KALRN: variants seen among roughly 807,000 people sequenced by gnomAD.
KALRN encodes kalirin.
In KALRN, 70 loss-of-function variants were observed where a neutral mutation model predicts 353.7. The observed-to-expected ratio is 0.20, with a 90% CI of 0.16 to 0.24. The LOEUF is 0.24. KALRN is among the 10% of genes least tolerant of loss of function. The pLI is 1.00. For synonymous variants in KALRN, 1,391 were observed against 1,434.8 expected (o/e 0.97, Z 0.69); for missense variants, 2,791 against 3,756.7 (o/e 0.74, Z 6.72).
At chr3:124,275,478 C>T (rs1256619213) in intron 5 of KALRN, among the ~76,000 whole-genome samples, 1 of 152,142 alleles carries the variant, frequency 6.6e-6, no homozygotes, top group Non-Finnish European at 1.5e-5. Flanking sequence ...GCAAATAAAA[C>T]CCTACTCCCT....
At chr3:124,426,507 A>G (rs1329514820) in intron 15 of KALRN, among the ~76,000 whole-genome samples, 1 of 152,232 alleles carries the variant, frequency 6.6e-6, no homozygotes, top group East Asian at 1.9e-4. Context: ...CCAAAATTAT[A>G]TTAAACTGAA....
At chr3:124,296,584 C>T (rs2076865874) in intron 5 of KALRN, among the ~76,000 whole-genome samples, 2 of 152,212 alleles carry the variant, frequency 1.3e-5, no homozygotes, top group South Asian at 4.1e-4. Context: ...GCTCACTTCA[C>T]ACTTCACTAC....
At chr3:124,368,740 A>C (rs919905460) in intron 10 of KALRN, among the ~76,000 whole-genome samples, 8 of 150,192 alleles carry the variant, frequency 5.3e-5, no homozygotes, top group African/African-American at 1.7e-4. Flanking sequence ...TAGTGAGCCG[A>C]GATCACGCCA....
intron 34 of KALRN, among the ~76,000 whole-genome samples, chr3:124,564,217 A>G (rs1396277616): frequency 7.6e-5 from 11 of 144,622 alleles, no homozygotes; most frequent in African/African-American, 3.1e-4. Context: ...AAAAAAAAAA[A>G]AAAAAAAAAA....
At chr3:124,313,278 C>G (rs1232513654) in intron 6 of KALRN, among the ~76,000 whole-genome samples, 1 of 152,126 alleles carries the variant, frequency 6.6e-6, no homozygotes, top group African/African-American at 2.4e-5. Context: ...AAGCAAACCC[C>G]CACCCCCTGA....
At chr3:124,431,868 G>A (rs566800294) in intron 16 of KALRN, among the ~76,000 whole-genome samples, 11 of 152,300 alleles carry the variant, frequency 7.2e-5, no homozygotes, top group African/African-American at 2.6e-4. Flanking sequence ...TGTATAAACA[G>A]TGTTAAGATG....
At chr3:124,259,517 A>G (rs1286234555) in intron 3 of KALRN, among the ~76,000 whole-genome samples, 1 of 152,164 alleles carries the variant, frequency 6.6e-6, no homozygotes, top group Non-Finnish European at 1.5e-5. Context: ...ACAACCCTGT[A>G]ATTATTATTC....
chr3:124,638,884 C>T (rs2081675094), intron 37 of KALRN, among the ~76,000 whole-genome samples: 1 of 152,050 alleles, frequency 6.6e-6, no homozygotes, highest in Non-Finnish European at 1.5e-5. Context: ...AGTACAGTAG[C>T]ATAAATATAG....
intron 21 of KALRN, among the ~76,000 whole-genome samples, chr3:124,450,024 C>T (rs1182912364): frequency 3.3e-5 from 5 of 152,144 alleles, no homozygotes; most frequent in East Asian, 1.9e-4. Context: ...CAAGTTTTGG[C>T]GTGAACAGAT....
chr3:124,335,981 C>G lies in KALRN; in HGVS notation c.1647+1486C>G, dbSNP rs573670608. On this transcript the variant is annotated intron_variant, in intron 9 of 59. Coordinates refer to ENST00000682506, the MANE Select transcript of KALRN (RefSeq NM_001388419.1). ...TTCACAGGTGTCATTAGAGGGGCCTCTGATGCTGGGTGCCTGAAGTGGTCA... is the reference window on the plus strand; with the variant it reads ...TTCACAGGTGTCATTAGAGGGGCCTGTGATGCTGGGTGCCTGAAGTGGTCA... Among the ~76,000 whole-genome samples, 10 of 152,272 alleles carry G rather than the reference C, an allele frequency of 6.6e-5. 1 individual carries two copies. Among genetic ancestry groups the G allele is most frequent in the African/African-American group, 2.4e-4 (10 of 41,554 alleles).
At chr3:124,631,731 T>A (rs1236035751) in intron 34 of KALRN, among the ~76,000 whole-genome samples, 1 of 152,204 alleles carries the variant, frequency 6.6e-6, no homozygotes, top group East Asian at 1.9e-4. Context: ...TAAGCCAGAT[T>A]GAATCACTCT....
chr3:124,696,793 A>G (rs2062073419), intron 54 of KALRN, among the ~76,000 whole-genome samples: 1 of 152,236 alleles, frequency 6.6e-6, no homozygotes, highest in Non-Finnish European at 1.5e-5. Context: ...CATCCACAGA[A>G]CTTTTTCATC....
chr3:124,440,258 C>T (rs2093626416), intron 18 of KALRN, among the ~76,000 whole-genome samples: 1 of 152,062 alleles, frequency 6.6e-6, no homozygotes, highest in African/African-American at 2.4e-5. Context: ...AAATCTCAAA[C>T]AGAAGTGTAA....
chr3:124,410,348 A>G (rs1367074127), intron 13 of KALRN: 3 of 487,892 alleles, frequency 6.1e-6, no homozygotes, highest in African/African-American at 2.0e-5. Flanking sequence ...TCTTCCTTTC[A>G]TGCTTGTTGT....
intron 13 of KALRN, chr3:124,407,784 T>A (rs1270867416): frequency 4.6e-5 from 7 of 152,360 alleles, no homozygotes; most frequent in South Asian, 4.1e-4. Context: ...CCATAAATTT[T>A]TTTTTTATTT....
At chr3:124,228,193 T>A in intron 2 of KALRN, 129 bp downstream of exon 2, 1 of 792,912 alleles carries the variant, frequency 1.3e-6, no homozygotes, top group Non-Finnish European at 2.2e-6. Flanking sequence ...GGGCAGCTGC[T>A]TTCTTTCTCC....
At chr3:124,614,480 A>T (rs1437751825) in intron 34 of KALRN, among the ~76,000 whole-genome samples, 1 of 151,828 alleles carries the variant, frequency 6.6e-6, no homozygotes, top group Non-Finnish European at 1.5e-5. Flanking sequence ...GACTGGTCTC[A>T]AACTCCTAGA....
chr3:124,446,319 C>A, intron 20 of KALRN, 43 bp downstream of exon 20: 1 of 1,398,942 alleles, frequency 7.1e-7, no homozygotes. Flanking sequence ...TTCTGGGGAG[C>A]ATACAGAGGC....
intron 1 of KALRN, among the ~76,000 whole-genome samples, chr3:124,221,480 G>T (rs377617957): frequency 1.3e-5 from 2 of 152,160 alleles, no homozygotes; most frequent in East Asian, 3.9e-4. Flanking sequence ...GGGAGTAAAC[G>T]AAAACACATA....
Sources: allele counts gnomAD v4.1 joint callset (sites outside exome capture counted in the v4.1 genomes callset), GRCh38; gene constraint gnomAD v4.1.1; transcripts MANE v1.5; gene names NCBI Gene and HGNC (gene_info 2026-07-23, HGNC 2026-07-21).